Variants in SLC2A5 observed in about 807,000 individuals in gnomAD.
SLC2A5 encodes solute carrier family 2, facilitated glucose transporter member 5.
In SLC2A5, 56 loss-of-function variants were observed where a neutral mutation model predicts 50.3. That is an observed-to-expected ratio of 1.11 (90% CI 0.90 to 1.39). The LOEUF is 1.39. Among genes scored for constraint, SLC2A5 ranks in the 40% most tolerant of loss-of-function variants. The probability of loss-of-function intolerance (pLI) is 0.00; values close to 1 mark genes in which losing one functional copy is unlikely to be tolerated. For synonymous variants in SLC2A5, 269 were observed against 281.9 expected, an observed-to-expected ratio of 0.95 and a Z score of 0.46; for missense variants, 566 against 650.1, an observed-to-expected ratio of 0.87 and a Z score of 1.41.
chr1:9,076,863 C>G (rs748705497), intron 2 of SLC2A5, among the ~76,000 whole-genome samples: 37 of 150,716 alleles, frequency 2.5e-4, no homozygotes, highest in Non-Finnish European at 4.6e-4. Context: ...GATCTCGGCT[C>G]ACTGCAACCT....
intron 1 of SLC2A5, among the ~76,000 whole-genome samples, chr1:9,063,003 A>G (rs967948488): frequency 1.3e-5 from 2 of 152,226 alleles, no homozygotes; most frequent in Non-Finnish European, 2.9e-5. Flanking sequence ...GGTAGGGGTT[A>G]AAAGTACCAG....
chr1:9,067,179 T>A (rs1388835498), intron 1 of SLC2A5, among the ~76,000 whole-genome samples: 2 of 152,130 alleles, frequency 1.3e-5, no homozygotes, highest in Non-Finnish European at 2.9e-5. Flanking sequence ...CTGCACTTAA[T>A]GATTTCCCGG....
intron 1 of SLC2A5, among the ~76,000 whole-genome samples, chr1:9,059,175 C>CTT (rs1256291138): frequency 1.3e-5 from 1 of 79,172 alleles, no homozygotes; most frequent in Admixed American, 2.1e-4. Flanking sequence ...CAGAGTCTTG[C>CTT]TCTGTCACCC....
chr1:9,093,291 C>A (rs957672910), upstream of SLC2A5, among the ~76,000 whole-genome samples: 7 of 152,150 alleles, frequency 4.6e-5, no homozygotes, highest in South Asian at 1.4e-3. Flanking sequence ...GACTCCCCAG[C>A]TGGTTTCATC....
intron 1 of SLC2A5, among the ~76,000 whole-genome samples, chr1:9,067,443 G>T (rs1286981389): frequency 6.6e-6 from 1 of 152,338 alleles, no homozygotes; most frequent in Non-Finnish European, 1.5e-5. Flanking sequence ...GGCCTGCCAC[G>T]TGGGGGTGTT....
intron 3 of SLC2A5, among the ~76,000 whole-genome samples, chr1:9,053,335 TATATAC>T (rs1339045283): frequency 2.7e-5 from 2 of 73,910 alleles, no homozygotes; most frequent in African/African-American, 5.6e-5. Flanking sequence ...ATTATATATT[TATATAC>T]TATATATATT....
rs148451695 is a variant in SLC2A5 at position 9,065,026 on chromosome 1, A to C, written c.33+4478T>G. Reference sequence around the variant, plus strand: ...TGAAATTACACCATTGCACTCCAGGATGGGCAACAAGAGCAAGATTCTGTC... The same window carrying C: ...TGAAATTACACCATTGCACTCCAGGCTGGGCAACAAGAGCAAGATTCTGTC... On this transcript the variant is annotated intron_variant, in intron 1 of 11. Coordinates refer to ENST00000377424, the MANE Select transcript of SLC2A5 (RefSeq NM_003039.3). Among the ~76,000 whole-genome samples the C allele has an allele frequency of 2.8e-3, 408 of 148,004 alleles. 1 individual carries two copies. Among genetic ancestry groups the C allele is most frequent in the African/African-American group, 1.0e-2 (396 of 39,648 alleles).
In SLC2A5 at chr1:9,038,456, G is replaced by A. The variant is rs374383563; in HGVS notation, c.1149C>T (p.Tyr383=). 9.8e-5 allele frequency: 158 copies of A among 1,613,146 alleles called. No individual in the cohort carries two copies. The highest frequency in any genetic ancestry group is 2.3e-4 in the Admixed American group (14 of 60,010). The stretch of plus-strand genomic sequence containing the variant: ...TGGGCCCGAGGGCATGTCCTATGAC[G>A]TAGGAGATGACACAGACGATGCTGA... ...PYISIVCVIS[Y]VIGHALGPSP... is the part of the protein sequence containing the mutation. Residue 383 remains tyrosine (Y), a synonymous_variant, in exon 10 of 12, where the codon TAC becomes TAT. Transcript: ENST00000377424.
intron 2 of SLC2A5, among the ~76,000 whole-genome samples, chr1:9,078,599 C>T (rs928293498): frequency 1.3e-5 from 2 of 152,176 alleles, no homozygotes; most frequent in Non-Finnish European, 2.9e-5. Context: ...TATTGAAAAA[C>T]ATTTCATTTA....
rs200784707 is a variant in SLC2A5 at position 9,037,753 on chromosome 1, C to T, written c.1339G>A (p.Val447Met). 9.4e-5 allele frequency: 151 copies of T among 1,613,978 alleles called. No individual in the cohort carries two copies. The highest frequency in any genetic ancestry group is 1.8e-4 in the Admixed American group (11 of 59,996). The change falls in exon 12 of 12, where the codon GTG (valine) becomes ATG (methionine). Residue 447 changes from valine (V) to methionine (M), a missense_variant. Coordinates refer to ENST00000377424, the MANE Select transcript of SLC2A5 (RefSeq NM_003039.3). Reference sequence around the variant, plus strand: ...TAGATGGTGGTGAGGAGGCAGATCACGGCGAAGACAATGAAGCTGTACGGG... The same window carrying T: ...TAGATGGTGGTGAGGAGGCAGATCATGGCGAAGACAATGAAGCTGTACGGG... ...LGPYSFIVFA[V>M]ICLLTTIYIF...
intron 4 of SLC2A5, among the ~76,000 whole-genome samples, chr1:9,045,601 A>C (rs1417922778): frequency 6.6e-6 from 1 of 152,204 alleles, no homozygotes; most frequent in Non-Finnish European, 1.5e-5. Context: ...AAGATGGCAG[A>C]GACCGGCCGG....
chr1:9,057,889 C>T lies in SLC2A5; in HGVS notation c.132+263G>A, dbSNP rs74595111. Among the ~76,000 whole-genome samples, 8,255 of 152,238 alleles carry T rather than the reference C, an allele frequency of 0.054. 317 individuals are homozygous for T. Among genetic ancestry groups the T allele is most frequent in the Non-Finnish European group, 0.081 (5,537 of 67,998 alleles). On this transcript the variant is annotated intron_variant, in intron 2 of 11. Transcript: ENST00000377424. ...ATCAGCTGGGAGACCCCTGGCCCCC[C>T]CGGATTCCCTCTAAACAGCAAGGCC...
At chr1:9,038,050 C>T (rs780058880) in intron 10 of SLC2A5, 26 bp from the exon 11 acceptor site, 2 of 1,612,286 alleles carry the variant, frequency 1.2e-6, no homozygotes, top group Admixed American at 3.3e-5. Flanking sequence ...AGCAGCCTCC[C>T]TGAAGGCAGA....
At chr1:9,082,276 C>T (rs1642363156) in intron 2 of SLC2A5, among the ~76,000 whole-genome samples, 1 of 152,134 alleles carries the variant, frequency 6.6e-6, no homozygotes. Flanking sequence ...GAATGAAAAA[C>T]ATGTACTCAA....
At chr1:9,060,106 T>TAC (rs965812592) in intron 1 of SLC2A5, among the ~76,000 whole-genome samples, 1 of 100,512 alleles carries the variant, frequency 9.9e-6, no homozygotes, top group Admixed American at 1.2e-4. Context: ...ACACACACAA[T>TAC]ACACACACAC....
intron 4 of SLC2A5, 39 bp downstream of exon 4, chr1:9,047,571 G>A (rs747769643): frequency 3.1e-6 from 5 of 1,602,428 alleles, no homozygotes; most frequent in African/African-American, 1.3e-5. Flanking sequence ...CCTCCTTGAC[G>A]ACCCTCACAG....
chr1:9,060,757 A>G (rs1569888947), intron 1 of SLC2A5, among the ~76,000 whole-genome samples: 1 of 147,378 alleles, frequency 6.8e-6, no homozygotes, highest in Non-Finnish European at 1.5e-5. Flanking sequence ...GGCTTGGCTC[A>G]CCTCCCATCT....
intron 4 of SLC2A5, among the ~76,000 whole-genome samples, chr1:9,044,312 C>T (rs1261097189): frequency 6.6e-6 from 1 of 151,886 alleles, no homozygotes; most frequent in Non-Finnish European, 1.5e-5. Flanking sequence ...GCCTGGGCAA[C>T]TAAGCAAGAG....
intron 2 of SLC2A5, among the ~76,000 whole-genome samples, chr1:9,084,000 C>T (rs1415357239): frequency 2.7e-5 from 4 of 149,308 alleles, no homozygotes; most frequent in Non-Finnish European, 3.0e-5. Context: ...AAAAATTAGC[C>T]GGGCAAGGTG....
Sources: allele counts gnomAD v4.1 joint callset (sites outside exome capture counted in the v4.1 genomes callset), GRCh38; gene constraint gnomAD v4.1.1; transcripts MANE v1.5; gene names NCBI Gene and HGNC (gene_info 2026-07-23, HGNC 2026-07-21).